MYO16: variants seen among roughly 807,000 people sequenced by gnomAD.
MYO16 encodes the protein myosin XVI, also known as unconventional myosin-XVI.
Under a neutral mutation model 205.3 loss-of-function variants are expected in MYO16, and 94 were observed. That is an observed-to-expected ratio of 0.46 (90% confidence interval 0.39 to 0.54). The LOEUF (loss-of-function observed/expected upper bound fraction) is 0.54. Ranked by LOEUF, MYO16 falls within the 20% of genes least tolerant of loss-of-function variation. MYO16 has a pLI of 0.00. For synonymous variants in MYO16, 988 were observed against 954.0 expected (o/e 1.04, Z -0.66); for missense variants, 2,315 against 2,387.5 (o/e 0.97, Z 0.63).
At chr13:108,626,057 T>C (rs1879722634), upstream of MYO16, among the ~76,000 whole-genome samples, 1 of 152,206 alleles carries the variant, frequency 6.6e-6, no homozygotes, top group African/African-American at 2.4e-5. Context: ...TTTTGAATGC[T>C]TATCTCTCAT....
intron 6 of MYO16, among the ~76,000 whole-genome samples, chr13:108,797,216 G>T (rs1294352224): frequency 2.0e-5 from 3 of 152,180 alleles, no homozygotes; most frequent in Non-Finnish European, 4.4e-5. Flanking sequence ...CAGTTCTGGA[G>T]ATATTAAGTT....
At chr13:108,616,640 T>C (rs966446475) in intron 1 of MYO16, among the ~76,000 whole-genome samples, 6 of 152,166 alleles carry the variant, frequency 3.9e-5, no homozygotes, top group African/African-American at 1.4e-4. Flanking sequence ...ATTCTTGGTC[T>C]GGAATTTGAA....
At chr13:108,777,364 G>A (rs4772996) in intron 4 of MYO16, among the ~76,000 whole-genome samples, 12,224 of 152,140 alleles carry the variant, frequency 0.08, 630 homozygotes, top group Non-Finnish European at 0.12. Flanking sequence ...TTACAAAGGC[G>A]GGGGGTAAAG....
chr13:108,625,708 C>T (rs1485481057), upstream of MYO16, among the ~76,000 whole-genome samples: 2 of 152,144 alleles, frequency 1.3e-5, no homozygotes, highest in Non-Finnish European at 2.9e-5. Flanking sequence ...GCAATGATGC[C>T]CCATCACAGA....
intron 27 of MYO16, among the ~76,000 whole-genome samples, chr13:109,092,042 T>C (rs1888638775): frequency 6.6e-6 from 1 of 152,210 alleles, no homozygotes; most frequent in Admixed American, 6.5e-5. Flanking sequence ...AGATTATGTT[T>C]CTCTTAGTAA....
Position 109,140,595 on chromosome 13 carries a change from G to A in MYO16, c.4383G>A (p.Leu1461=). ...TGTACGAGGAGATGAAGTGTTGCCTGCCCGACGACGGCGGCCCGGGCGCGG... is the reference window on the plus strand; with the variant it reads ...TGTACGAGGAGATGAAGTGTTGCCTACCCGACGACGGCGGCCCGGGCGCGG... ...ESVYEEMKCC[L]PDDGGPGAGS... The change falls in exon 32 of 35, where the codon CTG becomes CTA. Residue 1461 remains leucine (L), a synonymous_variant. Coordinates refer to ENST00000457511, the MANE Select transcript of MYO16 (RefSeq NM_001198950.3). The surrounding 1 kb of genome is among the most constrained non-coding windows in gnomAD (Gnocchi z 8.0). The A allele has an allele frequency of 1.3e-6, 2 of 1,523,180 alleles. No individual in the cohort carries two copies. Among genetic ancestry groups the A allele is most frequent in the Non-Finnish European group, 1.8e-6 (2 of 1,141,632 alleles). 94.4% of individuals were successfully genotyped at this position (1,523,180 alleles called of 1,614,324 possible).
At chr13:109,065,776 G>C (rs965957462) in intron 27 of MYO16, among the ~76,000 whole-genome samples, 2 of 152,154 alleles carry the variant, frequency 1.3e-5, no homozygotes, top group African/African-American at 4.8e-5. Context: ...AAACATCGGA[G>C]TCTTAACTCC....
At chr13:108,601,890 C>T (rs1878776223) in intron 1 of MYO16, among the ~76,000 whole-genome samples, 1 of 151,982 alleles carries the variant, frequency 6.6e-6, no homozygotes, top group Admixed American at 6.6e-5. Flanking sequence ...AATTGGTGCT[C>T]TCAATTCTTT....
At chr13:108,720,467 C>G (rs1884120352) in intron 3 of MYO16, among the ~76,000 whole-genome samples, 1 of 152,192 alleles carries the variant, frequency 6.6e-6, no homozygotes, top group East Asian at 1.9e-4. Flanking sequence ...GTTCTTTGAA[C>G]TACTGAGAAC....
intron 32 of MYO16, among the ~76,000 whole-genome samples, chr13:109,159,546 T>C (rs1249299647): frequency 1.3e-5 from 2 of 152,252 alleles, no homozygotes; most frequent in African/African-American, 4.8e-5. Flanking sequence ...CCGGGCTCTA[T>C]TCTAGGCACT....
intron 1 of MYO16, among the ~76,000 whole-genome samples, chr13:108,631,119 C>T (rs1043060297): frequency 3.9e-5 from 6 of 152,194 alleles, no homozygotes; most frequent in Admixed American, 3.3e-4. Context: ...GAGAAATAGA[C>T]ACAGGGCAAT....
intron 27 of MYO16, among the ~76,000 whole-genome samples, chr13:109,067,568 A>G (rs2139641537): frequency 6.6e-6 from 1 of 152,278 alleles, no homozygotes; most frequent in South Asian, 2.1e-4. Flanking sequence ...CTTGACTGTC[A>G]TTAGCATCCA....
At chr13:109,033,094 G>C (rs904334147) in intron 23 of MYO16, among the ~76,000 whole-genome samples, 1 of 152,080 alleles carries the variant, frequency 6.6e-6, no homozygotes, top group East Asian at 1.9e-4. Flanking sequence ...GCCCACCTAG[G>C]GACATAACAC....
At chr13:108,686,309 G>C (rs1032874854) in intron 2 of MYO16, among the ~76,000 whole-genome samples, 2 of 152,256 alleles carry the variant, frequency 1.3e-5, no homozygotes, top group African/African-American at 2.4e-5. Flanking sequence ...TGCTACAGGA[G>C]ATTTAAGTAG....
chr13:109,093,349 TC>T (rs1888677911), intron 27 of MYO16, among the ~76,000 whole-genome samples: 1 of 152,096 alleles, frequency 6.6e-6, no homozygotes, highest in African/African-American at 2.4e-5. Context: ...TGCATCCATT[TC>T]CCAAATGCTC....
rs1331422458 is a variant in MYO16, at chr13:109,023,244, A to G, written c.2796+3333A>G. Among the ~76,000 whole-genome samples the G allele has an allele frequency of 8.2e-5, 8 of 98,062 alleles. No individual in the cohort carries two copies. The Admixed American group carries it at 1.1e-3, about 14-fold the overall frequency. The allele number at this position is 98,062 out of a possible 152,430, so 64.3% of individuals were successfully genotyped here. On this transcript the variant is annotated intron_variant, in intron 23 of 34. Transcript: ENST00000457511. ...ATTTATATATTATACAGATATAAATATATATATTTATATATTATACAGATA... is the reference window on the plus strand; with the variant it reads ...ATTTATATATTATACAGATATAAATGTATATATTTATATATTATACAGATA...
chr13:109,122,985 A>G (rs1277433604), intron 29 of MYO16, among the ~76,000 whole-genome samples: 4 of 152,214 alleles, frequency 2.6e-5, no homozygotes, highest in African/African-American at 9.6e-5. Flanking sequence ...TTAGTTTTAA[A>G]TTTAATCATT....
intron 12 of MYO16, among the ~76,000 whole-genome samples, chr13:108,872,381 G>GAA (rs1400217601): frequency 6.6e-6 from 1 of 151,908 alleles, no homozygotes; most frequent in South Asian, 2.1e-4. Context: ...CTTGTGATGG[G>GAA]AAAAAAACTG....
At chr13:109,022,232 T>TA (rs1432948547) in intron 23 of MYO16, among the ~76,000 whole-genome samples, 2 of 136,110 alleles carry the variant, frequency 1.5e-5, no homozygotes, top group Non-Finnish European at 3.1e-5. Flanking sequence ...ATATTATATA[T>TA]ATGTATATAT....
Sources: gnomAD v4.1 joint callset for allele counts (sites outside exome capture counted in the v4.1 genomes callset) on GRCh38, gnomAD v4.1.1 for gene constraint, Gnocchi (gnomAD v3.1) non-coding constraint, MANE v1.5 for transcripts, NCBI Gene and HGNC (gene_info 2026-07-23, HGNC 2026-07-21) for gene names.